The following RALGAPA2 variants were observed in gnomAD, a reference collection of about 807,000 sequenced individuals.
The protein encoded by RALGAPA2 is ral GTPase-activating protein subunit alpha-2.
In RALGAPA2, 139 loss-of-function variants were observed where a neutral mutation model predicts 230.4. The observed-to-expected ratio is 0.60, with a 90% CI of 0.53 to 0.69. RALGAPA2 has a LOEUF of 0.69. Among genes scored for constraint, RALGAPA2 ranks in the 30% least tolerant of loss-of-function variants. The pLI is 0.00. For synonymous variants in RALGAPA2, 847 were observed against 837.8 expected (o/e 1.01, Z -0.19); for missense variants, 2,163 against 2,276.0 (o/e 0.95, Z 1.01).
intron 14 of RALGAPA2, among the ~76,000 whole-genome samples, chr20:20,606,741 T>C (rs2065833992): frequency 6.6e-6 from 1 of 152,208 alleles, no homozygotes; most frequent in Non-Finnish European, 1.5e-5. Flanking sequence ...CACTTATCAG[T>C]GTCTGCCCCC....
intron 10 of RALGAPA2, among the ~76,000 whole-genome samples, chr20:20,620,916 G>A (rs1038545944): frequency 2.0e-5 from 3 of 152,196 alleles, no homozygotes; most frequent in Non-Finnish European, 4.4e-5. Context: ...GCCAAGGCAG[G>A]CGGATCATGA....
intron 1 of RALGAPA2, among the ~76,000 whole-genome samples, chr20:20,694,541 T>A (rs1443292628): frequency 6.6e-6 from 1 of 152,168 alleles, no homozygotes; most frequent in East Asian, 1.9e-4. Flanking sequence ...GGGCAGTCAC[T>A]CACAGGCACA....
chr20:20,582,984 T>TC (rs2065030021), intron 20 of RALGAPA2, 66 bp downstream of exon 20: 2 of 1,520,126 alleles, frequency 1.3e-6, no homozygotes, highest in Non-Finnish European at 1.8e-6. Flanking sequence ...TATACAAGAC[T>TC]CCAATGATTC....
At chr20:20,543,063 TA>T (rs1315084187) in intron 24 of RALGAPA2, among the ~76,000 whole-genome samples, 2 of 151,906 alleles carry the variant, frequency 1.3e-5, no homozygotes, top group Non-Finnish European at 2.9e-5. Context: ...TTTTTTTTTT[TA>T]GACGGAGTCA....
At chr20:20,640,112 C>T (rs2066984730) in intron 6 of RALGAPA2, among the ~76,000 whole-genome samples, 1 of 152,188 alleles carries the variant, frequency 6.6e-6, no homozygotes, top group Non-Finnish European at 1.5e-5. Context: ...CCATTCTTTC[C>T]CGTTCAAATT....
chr20:20,488,647 C>A (rs2061973962), intron 36 of RALGAPA2, among the ~76,000 whole-genome samples: 1 of 152,176 alleles, frequency 6.6e-6, no homozygotes. Context: ...GACTATCAAG[C>A]TCCCTACATA....
chr20:20,531,723 C>T lies in RALGAPA2; in HGVS notation c.3546G>A (p.Val1182=), dbSNP rs1047676016. ...CTCCTATCACATTGATGGCCTCTTTCACCTGAGGGTGGCTTGTACACTGTG... is the reference window on the plus strand; with the variant it reads ...CTCCTATCACATTGATGGCCTCTTTTACCTGAGGGTGGCTTGTACACTGTG... The part of the protein sequence containing the change: ...ELAQCTSHPQ[V]KEAINVIGVT... Residue 1182 remains valine, a synonymous_variant, in exon 27 of 40, where the codon GTG becomes GTA. Coordinates refer to ENST00000202677, the MANE Select transcript of RALGAPA2 (RefSeq NM_020343.4). 29 of 1,608,436 alleles carry T rather than the reference C, an allele frequency of 1.8e-5. No homozygotes were observed. The highest frequency in any genetic ancestry group is 2.5e-5 in the Non-Finnish European group (29 of 1,177,304).
chr20:20,528,166 G>A (rs1267812110), intron 27 of RALGAPA2, among the ~76,000 whole-genome samples: 1 of 152,192 alleles, frequency 6.6e-6, no homozygotes, highest in Non-Finnish European at 1.5e-5. Context: ...TGCAGGCAGG[G>A]TGGTGTTACT....
At chr20:20,592,807 A>T (rs2065332977) in intron 16 of RALGAPA2, among the ~76,000 whole-genome samples, 1 of 152,216 alleles carries the variant, frequency 6.6e-6, no homozygotes, top group Non-Finnish European at 1.5e-5. Context: ...TTTAATACAG[A>T]GGATTTCAAC....
At position 20,389,916 on chromosome 20, in the gene RALGAPA2, T is replaced by C. The variant is rs2059577230; in HGVS notation, c.*3373A>G. On this transcript the variant is annotated 3_prime_UTR_variant, in exon 40 of 40. Transcript: ENST00000202677. ...CATATTTATCAAATTTTTTCCTTATTTACATGTACTAAACATTGTAGACCT... is the reference window on the plus strand; with the variant it reads ...CATATTTATCAAATTTTTTCCTTATCTACATGTACTAAACATTGTAGACCT... 1 of 152,178 alleles carries C rather than the reference T, an allele frequency of 6.6e-6. No individual in the cohort carries two copies. The highest frequency in any genetic ancestry group is 2.4e-5 in the African/African-American group (1 of 41,430). The allele number at this position is 152,178 out of a possible 1,614,324, so 9.4% of individuals were successfully genotyped here. A position where few individuals can be genotyped will look rare whatever the true frequency, so the allele number is the denominator to read the frequency against.
intron 36 of RALGAPA2, among the ~76,000 whole-genome samples, chr20:20,476,384 C>T (rs1202044521): frequency 1.3e-5 from 2 of 151,830 alleles, no homozygotes; most frequent in Non-Finnish European, 2.9e-5. Flanking sequence ...AAACACAATA[C>T]AGAGTCCAAG....
chr20:20,619,433 C>T lies in RALGAPA2; in HGVS notation c.1402-19G>A, dbSNP rs1167126605. ...ATGAGGCCTTCAGAAGATAATGATCCATTAACAGAGTGGAAGATGCACGTG... is the reference window on the plus strand; with the variant it reads ...ATGAGGCCTTCAGAAGATAATGATCTATTAACAGAGTGGAAGATGCACGTG... On this transcript the variant is annotated intron_variant, in intron 11 of 39. Transcript: ENST00000202677. 1.3e-6 allele frequency: 2 copies of T among 1,536,534 alleles called. No individual in the cohort carries two copies. The highest frequency in any genetic ancestry group is 1.4e-5 in the African/African-American group (1 of 73,644).
chr20:20,512,519 T>C lies in RALGAPA2; in HGVS notation c.4850A>G (p.Asp1617Gly). The C allele has an allele frequency of 6.3e-7, 1 of 1,597,888 alleles. No homozygotes were observed. The highest frequency in any genetic ancestry group is 2.2e-5 in the East Asian group (1 of 44,778). ...GTCTAGCTTGGATTGTTACCTTCTG[T>C]CCCAAGAATTCATTCCCAAGTCATC... ...LLDDLGMNSW[D>G]RRKNFHLLKK... The change falls in exon 32 of 40, where the codon GAC (aspartate) becomes GGC (glycine). Residue 1617 changes from aspartate (D) to glycine (G), a missense_variant. Physicochemically the swap from Asp to Gly is moderately conservative, Grantham distance 94. Coordinates refer to ENST00000202677, the MANE Select transcript of RALGAPA2 (RefSeq NM_020343.4).
At chr20:20,663,423 C>A (rs1413414661) in intron 3 of RALGAPA2, among the ~76,000 whole-genome samples, 1 of 152,106 alleles carries the variant, frequency 6.6e-6, no homozygotes, top group African/African-American at 2.4e-5. Context: ...TTCACAATTT[C>A]ATAGAAGATT....
chr20:20,662,514 G>A (rs960515898), intron 3 of RALGAPA2, among the ~76,000 whole-genome samples: 2 of 151,946 alleles, frequency 1.3e-5, no homozygotes, highest in African/African-American at 4.8e-5. Context: ...GTTTTATTAA[G>A]GAAGAAATCA....
rs140986826 is a variant in RALGAPA2, at chr20:20,471,833, A to G, written c.5495+996T>C. On this transcript the variant is annotated intron_variant, in intron 37 of 39. Transcript: ENST00000202677. ...TATTTTTTTTTAATCTAAAGGCAGA[A>G]TATCAGTCAATGAAGTGACCAGGAT... The G allele has an allele frequency of 4.9e-4, 75 of 152,312 alleles. 1 individual carries two copies. The highest frequency in any genetic ancestry group is 1.7e-3 in the African/African-American group (72 of 41,578). 9.4% of individuals were successfully genotyped at this position (152,312 alleles called of 1,614,324 possible).
intron 37 of RALGAPA2, among the ~76,000 whole-genome samples, chr20:20,439,211 G>C (rs1457227387): frequency 1.3e-5 from 2 of 151,460 alleles, no homozygotes; most frequent in African/African-American, 4.9e-5. Context: ...AGCAGTCCTG[G>C]TTTTAGTTTT....
chr20:20,523,852 C>T (rs1361203182), intron 30 of RALGAPA2, among the ~76,000 whole-genome samples: 2 of 152,150 alleles, frequency 1.3e-5, no homozygotes, highest in Non-Finnish European at 1.5e-5. Context: ...GACAAAACTG[C>T]AGTTGTTTAA....
chr20:20,643,699 G>A, intron 4 of RALGAPA2, 150 bp from the exon 5 acceptor site: 1 of 715,170 alleles, frequency 1.4e-6, no homozygotes, highest in Non-Finnish European at 2.1e-6. Flanking sequence ...TGTCACAGAG[G>A]GAAAGACGTT....
Sources: gnomAD v4.1 joint callset for allele counts (sites outside exome capture counted in the v4.1 genomes callset) on GRCh38, gnomAD v4.1.1 for gene constraint, MANE v1.5 for transcripts, NCBI Gene and HGNC (gene_info 2026-07-23, HGNC 2026-07-21) for gene names.